Variants in NLRP13 observed in about 807,000 individuals in gnomAD.
NLRP13 encodes NACHT, LRR and PYD domains-containing protein 13.
In NLRP13, 82 loss-of-function variants were observed where a neutral mutation model predicts 94.4. The observed-to-expected ratio is 0.87, with a 90% CI of 0.73 to 1.04. NLRP13 has a LOEUF of 1.04. Ranked by LOEUF, NLRP13 falls within the 50% of genes least tolerant of loss-of-function variation. The pLI, the probability that NLRP13 is intolerant of heterozygous loss-of-function variation, is 0.00. For missense variants in NLRP13, 1,426 were observed against 1,230.8 expected (o/e 1.16, Z -2.37); for synonymous variants, 553 against 464.7 (o/e 1.19, Z -2.45).
chr19:55,898,313 G>A (rs540208617), intron 10 of NLRP13, among the ~76,000 whole-genome samples: 66 of 149,962 alleles, frequency 4.4e-4, no homozygotes, highest in African/African-American at 1.5e-3. Context: ...GGGTTCAAGC[G>A]ATTCTCCTGC....
At chr19:55,904,755 C>G (rs1170337510) in intron 8 of NLRP13, among the ~76,000 whole-genome samples, 187 bp downstream of exon 8, 1 of 152,110 alleles carries the variant, frequency 6.6e-6, no homozygotes, top group African/African-American at 2.4e-5. Context: ...GGCAAAAGCT[C>G]CAGAGACGGG....
chr19:55,924,117 T>A, intron 3 of NLRP13, 138 bp from the exon 4 acceptor site: 2 of 663,570 alleles, frequency 3.0e-6, no homozygotes, highest in Non-Finnish European at 5.3e-6. Context: ...GCATGCCCAG[T>A]TTATATTTTT....
rs147819247 is a variant in NLRP13, at chr19:55,912,957, A to G, written c.860T>C (p.Leu287Ser). The G allele has an allele frequency of 3.7e-6, 6 of 1,614,096 alleles. No individual in the cohort carries two copies. The highest frequency in any genetic ancestry group is 3.3e-4 in the Middle Eastern group (2 of 6,060). Residue 287 changes from leucine (L) to serine (S), a missense_variant, in exon 5 of 11, where the codon TTG becomes TCG. Leu to Ser is a moderately radical substitution (Grantham distance 145, BLOSUM62 -2). Transcript: ENST00000342929. ...KETTFAELIS[L>S]DWPDFDAPIE... is the part of the protein sequence containing the mutation. ...GGGGGCATCAAAATCGGGCCAATCC[A>G]AAGAAATCAATTCAGCAAAGGTAGT...
chr19:55,915,636 A>G (rs988356942), intron 4 of NLRP13, among the ~76,000 whole-genome samples: 1 of 152,094 alleles, frequency 6.6e-6, no homozygotes, highest in African/African-American at 2.4e-5. Context: ...CAATTCAAAC[A>G]GAGTATCAGG....
chr19:55,919,489 A>G (rs553768103), intron 4 of NLRP13, among the ~76,000 whole-genome samples: 5 of 152,182 alleles, frequency 3.3e-5, no homozygotes, highest in South Asian at 2.1e-4. Context: ...AAAGACTCCT[A>G]GATTTGATAA....
chr19:55,927,828 C>T (rs554303826), intron 1 of NLRP13, among the ~76,000 whole-genome samples: 5 of 152,172 alleles, frequency 3.3e-5, no homozygotes, highest in East Asian at 3.9e-4. Context: ...CCAAGGTTAC[C>T]GTTGGTCAAA....
At chr19:55,926,152 C>T (rs1216594302) in intron 1 of NLRP13, among the ~76,000 whole-genome samples, 3 of 152,128 alleles carry the variant, frequency 2.0e-5, no homozygotes, top group African/African-American at 2.4e-5. Flanking sequence ...CTGTTGCAAA[C>T]GAATCCAACG....
At chr19:55,892,860 A>G (rs997049240), downstream of NLRP13, among the ~76,000 whole-genome samples, 1 of 152,166 alleles carries the variant, frequency 6.6e-6, no homozygotes, top group Non-Finnish European at 1.5e-5. Context: ...CACAAAGGAC[A>G]TGGTTTCATT....
intron 6 of NLRP13, among the ~76,000 whole-genome samples, chr19:55,909,307 A>G (rs1319256975): frequency 6.6e-6 from 1 of 152,214 alleles, no homozygotes; most frequent in Non-Finnish European, 1.5e-5. Flanking sequence ...CAGGGGACCA[A>G]TACGCTTTAG....
chr19:55,928,697 A>C (rs1249613629), intron 1 of NLRP13, among the ~76,000 whole-genome samples: 1 of 152,238 alleles, frequency 6.6e-6, no homozygotes, highest in East Asian at 1.9e-4. Context: ...ACAGAATTTA[A>C]GAGTTCTAAA....
At chr19:55,893,247 G>C (rs302822), downstream of NLRP13, among the ~76,000 whole-genome samples, 60,421 of 151,624 alleles carry the variant, frequency 0.4, 12,613 homozygotes, top group South Asian at 0.49. Flanking sequence ...AGTTAGCTGG[G>C]TGTGGTGGCA....
chr19:55,902,859 TATATC>T (rs781462224), intron 8 of NLRP13, among the ~76,000 whole-genome samples: 7 of 149,472 alleles, frequency 4.7e-5, no homozygotes, highest in Admixed American at 2.7e-4. Context: ...GCATAATACA[TATATC>T]ATAATGTAAA....
intron 9 of NLRP13, 111 bp downstream of exon 9, chr19:55,901,924 A>G (rs1986190825): frequency 1.8e-6 from 2 of 1,134,882 alleles, no homozygotes; most frequent in African/African-American, 3.1e-5. Flanking sequence ...CCTCCATGGC[A>G]AAGAGCTTGT....
rs767059138 is a variant in NLRP13 at position 55,898,940 on chromosome 19, G to A, written c.2790-3C>T. 1.2e-6 allele frequency: 2 copies of A among 1,605,308 alleles called. No individual in the cohort carries two copies. Among genetic ancestry groups the A allele is most frequent in the South Asian group, 1.1e-5 (1 of 89,774 alleles). On this transcript the variant is annotated splice_polypyrimidine_tract_variant and splice_region_variant and intron_variant, in intron 9 of 10. Transcript: ENST00000342929. ...TTGTGAAAGAACAACCTGACAAACTGCAAAATAAAAACATACAAAAGGGGG... is the reference window on the plus strand; with the variant it reads ...TTGTGAAAGAACAACCTGACAAACTACAAAATAAAAACATACAAAAGGGGG...
At chr19:55,899,483 C>A (rs1390900988) in intron 9 of NLRP13, among the ~76,000 whole-genome samples, 3 of 152,030 alleles carry the variant, frequency 2.0e-5, no homozygotes, top group East Asian at 3.9e-4. Context: ...CCCACCCCCC[C>A]CATCCCAAAA....
chr19:55,910,757 C>T (rs776024050), intron 5 of NLRP13, 24 bp from the exon 6 acceptor site: 37 of 1,568,590 alleles, frequency 2.4e-5, no homozygotes, highest in South Asian at 2.0e-4. Context: ...AGACAGAACA[C>T]GGATAAGAGC....
chr19:55,924,528 G>A (rs1407999439), intron 3 of NLRP13, 62 bp downstream of exon 3: 1 of 1,190,648 alleles, frequency 8.4e-7, no homozygotes, highest in African/African-American at 1.5e-5. Context: ...AGCAAATGTG[G>A]ACCAATGAAA....
chr19:55,920,862 A>G (rs936287897), intron 4 of NLRP13, among the ~76,000 whole-genome samples: 1 of 152,182 alleles, frequency 6.6e-6, no homozygotes, highest in East Asian at 1.9e-4. Flanking sequence ...ATGTCCATTA[A>G]TGGATGACTG....
rs188603142 is a variant in NLRP13, at chr19:55,897,311, G to A, written c.2958-1192C>T. Among the ~76,000 whole-genome samples the A allele has an allele frequency of 2.4e-3, 361 of 152,258 alleles. 1 individual carries two copies. Among genetic ancestry groups the A allele is most frequent in the African/African-American group, 8.1e-3 (338 of 41,548 alleles). ...AGGCAGGCAGATCACTTGAGCTTAGGAGTTTGAGACCAGACTGGGCAACAT... is the reference window on the plus strand; with the variant it reads ...AGGCAGGCAGATCACTTGAGCTTAGAAGTTTGAGACCAGACTGGGCAACAT... On this transcript the variant is annotated intron_variant, in intron 10 of 10. Coordinates refer to ENST00000342929, the MANE Select transcript of NLRP13 (RefSeq NM_176810.2).
Sources: allele counts gnomAD v4.1 joint callset (sites outside exome capture counted in the v4.1 genomes callset), GRCh38; gene constraint gnomAD v4.1.1; transcripts MANE v1.5; gene names NCBI Gene and HGNC (gene_info 2026-07-23, HGNC 2026-07-21).